ADGRL2: variants seen among roughly 807,000 people sequenced by gnomAD.
ADGRL2 encodes calcium-independent alpha-latrotoxin receptor 2.
In ADGRL2, 44 loss-of-function variants were observed where a neutral mutation model predicts 157.4. That is an observed-to-expected ratio of 0.28 (90% CI 0.22 to 0.36). The LOEUF is 0.36. Among genes scored for constraint, ADGRL2 ranks in the 10% least tolerant of loss-of-function variants. The pLI, the probability that ADGRL2 is intolerant of heterozygous loss-of-function variation, is 1.00. For synonymous variants in ADGRL2, 585 were observed against 624.7 expected (o/e 0.94, Z 0.95); for missense variants, 1,510 against 1,768.9 (o/e 0.85, Z 2.63).
At chr1:81,886,983 C>G (rs2094141654) in intron 2 of ADGRL2, among the ~76,000 whole-genome samples, 1 of 152,166 alleles carries the variant, frequency 6.6e-6, no homozygotes, top group Non-Finnish European at 1.5e-5. Context: ...CTGAAAGATG[C>G]ACTTAGGCCC....
intron 2 of ADGRL2, chr1:81,761,936 T>G (rs1213138390): frequency 3.3e-5 from 5 of 152,102 alleles, no homozygotes; most frequent in Admixed American, 3.3e-4. Context: ...TGGAGTATCA[T>G]CTACTAAATG....
intron 2 of ADGRL2, among the ~76,000 whole-genome samples, chr1:81,899,977 C>T (rs1451248057): frequency 2.0e-5 from 3 of 152,064 alleles, no homozygotes; most frequent in Non-Finnish European, 4.4e-5. Context: ...TTTGGAGAGG[C>T]ATTAAAGTAA....
intron 3 of ADGRL2, among the ~76,000 whole-genome samples, chr1:81,666,199 T>C (rs2082747439): frequency 6.6e-6 from 1 of 152,132 alleles, no homozygotes; most frequent in Non-Finnish European, 1.5e-5. Context: ...ACAGAAGCAA[T>C]AGAACAACTC....
chr1:81,887,640 G>T (rs962216947), intron 2 of ADGRL2, among the ~76,000 whole-genome samples: 1 of 152,168 alleles, frequency 6.6e-6, no homozygotes, highest in African/African-American at 2.4e-5. Context: ...ATTCCCGAGT[G>T]AAATTTTAAA....
intron 3 of ADGRL2, among the ~76,000 whole-genome samples, chr1:81,601,256 A>G (rs991620511): frequency 1.3e-5 from 2 of 152,224 alleles, no homozygotes; most frequent in African/African-American, 4.8e-5. Flanking sequence ...ATGTTGTTAT[A>G]ATGTGAGAAT....
chr1:81,983,543 C>T (rs78682736), intron 19 of ADGRL2, among the ~76,000 whole-genome samples: 2,728 of 152,170 alleles, frequency 0.018, 46 homozygotes, highest in Non-Finnish European at 0.025. Flanking sequence ...TCTTTACAGG[C>T]AGTTACTGCA....
intron 1 of ADGRL2, among the ~76,000 whole-genome samples, chr1:81,410,544 A>G (rs2076929654): frequency 6.6e-6 from 1 of 152,210 alleles, no homozygotes; most frequent in Admixed American, 6.5e-5. Context: ...CAAGAAAAGA[A>G]TTTTAATAAC....
chr1:81,801,282 C>T (rs2088058937), intron 1 of ADGRL2, among the ~76,000 whole-genome samples: 1 of 152,168 alleles, frequency 6.6e-6, no homozygotes, highest in South Asian at 2.1e-4. Flanking sequence ...ACGCTGTACA[C>T]GCTAGTATGT....
In ADGRL2 at chr1:81,590,573, G is replaced by A. The variant is rs139979621; in HGVS notation, c.-143+9593G>A. Among the ~76,000 whole-genome samples, 470 of 152,038 alleles carry A rather than the reference G, an allele frequency of 3.1e-3. 3 individuals carry two copies. The highest frequency in any genetic ancestry group is 0.01 in the African/African-American group (427 of 41,480). On this transcript the variant is annotated intron_variant, in intron 3 of 24. Coordinates refer to the ADGRL2 transcript ENST00000370721. ...TGTCCTTCTATCCCTGGTTTAAGAA[G>A]GACTGTGCTTCTCCACAATGTTGGA...
At chr1:81,518,126 C>G (rs1222815324) in intron 2 of ADGRL2, among the ~76,000 whole-genome samples, 2 of 152,186 alleles carry the variant, frequency 1.3e-5, no homozygotes, top group Non-Finnish European at 2.9e-5. Flanking sequence ...CAGGCGCTAG[C>G]CAGGCAGGCA....
At chr1:81,985,961 A>T (rs1317234068) in intron 21 of ADGRL2, among the ~76,000 whole-genome samples, 1 of 152,050 alleles carries the variant, frequency 6.6e-6, no homozygotes, top group South Asian at 2.1e-4. Flanking sequence ...TCAGTTTGAT[A>T]TGTACTGATT....
intron 1 of ADGRL2, among the ~76,000 whole-genome samples, chr1:81,759,560 G>A (rs147025206): frequency 6.3e-4 from 96 of 152,160 alleles, no homozygotes; most frequent in African/African-American, 2.1e-3. Flanking sequence ...TTCCTTATAT[G>A]TCCACAAAAG....
chr1:81,390,976 T>C (rs1455233763), intron 1 of ADGRL2, among the ~76,000 whole-genome samples: 5 of 152,424 alleles, frequency 3.3e-5, no homozygotes, highest in Non-Finnish European at 1.5e-5. Context: ...AATCAAAAGA[T>C]AATTCAAATA....
chr1:81,669,697 C>T (rs1406489804), intron 3 of ADGRL2, among the ~76,000 whole-genome samples: 3 of 152,090 alleles, frequency 2.0e-5, no homozygotes, highest in Non-Finnish European at 4.4e-5. Flanking sequence ...AATCCCAGCA[C>T]TTTGGGAGGC....
Position 81,352,934 on chromosome 1 carries a change from A to G in ADGRL2, c.-302+46425A>G, listed in dbSNP as rs79607892. On this transcript the variant is annotated intron_variant, in intron 1 of 24. Transcript: ENST00000370721. ...GATTTGGGAATGGGATAGAAAAACA[A>G]AACAATTTTTTTTAAATATTCAAAG... Among the ~76,000 whole-genome samples the G allele has an allele frequency of 5.3e-4, 80 of 152,314 alleles. 1 individual carries two copies. In the East Asian group the frequency reaches 0.013, roughly 24 times the overall value.
chr1:81,649,798 G>A (rs535264397), intron 3 of ADGRL2, among the ~76,000 whole-genome samples: 1 of 152,218 alleles, frequency 6.6e-6, no homozygotes, highest in African/African-American at 2.4e-5. Context: ...TGAGTTAAAC[G>A]CATTCTCAGC....
At position 81,547,750 on chromosome 1, in the gene ADGRL2, G is replaced by A. The variant is rs545755779; in HGVS notation, c.-247-33126G>A. Reference sequence around the variant, plus strand: ...TCAATGGCTTCTTTGTTCTAATCTTGGGAATTCCCAGCTTCTCCCTCCCAG... The same window carrying A: ...TCAATGGCTTCTTTGTTCTAATCTTAGGAATTCCCAGCTTCTCCCTCCCAG... On this transcript the variant is annotated intron_variant, in intron 2 of 24. Coordinates refer to the ADGRL2 transcript ENST00000370721. Among the ~76,000 whole-genome samples, 360 of 152,152 alleles carry A rather than the reference G, an allele frequency of 2.4e-3. 2 individuals carry two copies. The highest frequency in any genetic ancestry group is 8.0e-3 in the African/African-American group (333 of 41,532).
intron 3 of ADGRL2, among the ~76,000 whole-genome samples, chr1:81,614,356 A>G (rs998013388): frequency 3.9e-5 from 6 of 152,184 alleles, no homozygotes; most frequent in African/African-American, 9.7e-5. Context: ...GTGCTCTTCA[A>G]TACAAATGTC....
chr1:81,804,319 C>G (rs986439727), intron 1 of ADGRL2, among the ~76,000 whole-genome samples: 15 of 152,184 alleles, frequency 9.9e-5, no homozygotes, highest in African/African-American at 3.1e-4. Flanking sequence ...CCGATTCTCT[C>G]CTTTTGTTGT....
Sources: gnomAD v4.1 joint callset for allele counts (sites outside exome capture counted in the v4.1 genomes callset) on GRCh38, gnomAD v4.1.1 for gene constraint, MANE v1.5 for transcripts, NCBI Gene and HGNC (gene_info 2026-07-23, HGNC 2026-07-21) for gene names.